Variants in DPP6 observed in about 807,000 individuals in gnomAD.
The protein encoded by DPP6 is A-type potassium channel modulatory protein DPP6.
DPP6 carries 69 observed loss-of-function variants against 122.6 expected under a neutral mutation model. The observed-to-expected ratio is 0.56, with a 90% CI of 0.46 to 0.69. The LOEUF (loss-of-function observed/expected upper bound fraction) is 0.69, where lower values mean the gene tolerates loss of function less well. DPP6 is among the 30% of genes least tolerant of loss of function. DPP6 has a pLI of 0.00. For missense variants in DPP6, 928 were observed against 1,116.9 expected (o/e 0.83, Z 2.41); for synonymous variants, 418 against 433.1 (o/e 0.97, Z 0.43).
At chr7:153,881,559 T>C in the DPP6 span, among the ~76,000 whole-genome samples, 24 of 152,330 alleles carry the variant, frequency 1.6e-4, no homozygotes, top group South Asian at 6.2e-4. Context: ...CCTGTCCCTG[T>C]CTCCCTGCTT....
intron 1 of DPP6, among the ~76,000 whole-genome samples, chr7:154,279,603 A>T (rs1283816538): frequency 1.3e-5 from 2 of 152,152 alleles, no homozygotes; most frequent in African/African-American, 4.8e-5. Context: ...GGTACTGATG[A>T]TCATTACGTT....
intron 5 of DPP6, among the ~76,000 whole-genome samples, chr7:154,610,365 G>A (rs1833831317): frequency 6.6e-6 from 1 of 152,172 alleles, no homozygotes; most frequent in African/African-American, 2.4e-5. Context: ...GGCATTTCAG[G>A]TGGGAGAAGG....
chr7:154,335,281 C>T (rs563799789), intron 1 of DPP6, among the ~76,000 whole-genome samples: 7 of 152,190 alleles, frequency 4.6e-5, no homozygotes, highest in Non-Finnish European at 1.0e-4. Flanking sequence ...ACATCTCTTA[C>T]ACATCAAGTA....
chr7:154,885,166 G>A lies in DPP6; in HGVS notation c.2134-467G>A, dbSNP rs551922620. ...TTACCTGAATACAGAACACCTGGGA[G>A]CGTCTGTCTCGTGTCGGCCTTGTGC... On this transcript the variant is annotated intron_variant, in intron 21 of 25. Transcript: ENST00000377770. 1.3e-4 allele frequency: 21 copies of A among 158,084 alleles called. No homozygotes were observed. The East Asian group carries it at 3.7e-3, about 28-fold the overall frequency. The allele number at this position is 158,084 out of a possible 1,614,324, so 9.8% of individuals were successfully genotyped here. A position where few individuals can be genotyped will look rare whatever the true frequency, so the allele number is the denominator to read the frequency against.
chr7:154,271,032 G>C (rs961466383), intron 1 of DPP6, among the ~76,000 whole-genome samples: 1 of 152,168 alleles, frequency 6.6e-6, no homozygotes, highest in Non-Finnish European at 1.5e-5. Context: ...ATCAAAGACT[G>C]GGTTGATGTT....
chr7:154,488,318 C>T (rs1482673586), intron 3 of DPP6, among the ~76,000 whole-genome samples: 2 of 151,962 alleles, frequency 1.3e-5, no homozygotes, highest in Non-Finnish European at 2.9e-5. Flanking sequence ...GAAACCCCGT[C>T]TCTACTAAAA....
intron 1 of DPP6, among the ~76,000 whole-genome samples, chr7:153,926,092 A>G (rs1034630338): frequency 3.3e-5 from 5 of 152,132 alleles, no homozygotes; most frequent in African/African-American, 9.7e-5. Flanking sequence ...AGATCTGTTC[A>G]TTCAACAAGA....
the DPP6 span, among the ~76,000 whole-genome samples, chr7:153,831,569 C>A: frequency 6.6e-6 from 1 of 152,160 alleles, no homozygotes; most frequent in Non-Finnish European, 1.5e-5. Context: ...ACAATGACCC[C>A]CTTTTATTTG....
intron 1 of DPP6, among the ~76,000 whole-genome samples, chr7:154,400,438 G>A (rs564482498): frequency 1.3e-5 from 2 of 152,286 alleles, no homozygotes; most frequent in South Asian, 2.1e-4. Context: ...ATCTTTTTAG[G>A]TGATCTCTGA....
In DPP6 at chr7:153,992,641, A is replaced by G. The variant is rs559717450; in HGVS notation, c.51+104907A>G. On this transcript the variant is annotated intron_variant, in intron 1 of 25. Transcript: ENST00000404039. Reference sequence around the variant, plus strand: ...GGAGAGCCCAGGCCTAATCATGTCAATTCCAGGCTATCAGATGTTCATTGT... The same window carrying G: ...GGAGAGCCCAGGCCTAATCATGTCAGTTCCAGGCTATCAGATGTTCATTGT... Among the ~76,000 whole-genome samples, 145 of 152,326 alleles carry G rather than the reference A, an allele frequency of 9.5e-4. 1 individual carries two copies. The highest frequency in any genetic ancestry group is 3.2e-3 in the African/African-American group (133 of 41,578).
At chr7:154,873,319 C>T (rs945712321) in intron 19 of DPP6, among the ~76,000 whole-genome samples, 1 of 152,180 alleles carries the variant, frequency 6.6e-6, no homozygotes, top group African/African-American at 2.4e-5. Flanking sequence ...GTGATGTCCA[C>T]GCGCTGACAC....
At chr7:154,874,525 T>TA (rs1804684994) in intron 19 of DPP6, among the ~76,000 whole-genome samples, 1 of 152,026 alleles carries the variant, frequency 6.6e-6, no homozygotes, top group South Asian at 2.1e-4. Flanking sequence ...TGCTTCAGAT[T>TA]AAAAAAATCC....
chr7:154,377,127 T>C (rs1813198796), intron 1 of DPP6, among the ~76,000 whole-genome samples: 1 of 152,194 alleles, frequency 6.6e-6, no homozygotes, highest in South Asian at 2.1e-4. Context: ...AACAACTCTC[T>C]AAGGCAGGTA....
intron 1 of DPP6, among the ~76,000 whole-genome samples, chr7:154,104,403 T>C (rs572513869): frequency 5.9e-5 from 9 of 152,366 alleles, no homozygotes; most frequent in African/African-American, 1.7e-4. Flanking sequence ...GGAGGACTAA[T>C]GGGCTCTTCC....
chr7:154,526,099 T>G (rs1243294447), intron 3 of DPP6, among the ~76,000 whole-genome samples: 2 of 152,268 alleles, frequency 1.3e-5, no homozygotes, highest in East Asian at 3.8e-4. Context: ...TGACGATTAC[T>G]GAGGCTCCTG....
chr7:154,076,653 C>G (rs1294341309), intron 1 of DPP6, among the ~76,000 whole-genome samples: 1 of 150,872 alleles, frequency 6.6e-6, no homozygotes, highest in African/African-American at 2.4e-5. Flanking sequence ...AGGTGGATCA[C>G]AGATTGAGAG....
chr7:153,973,032 T>C (rs539352672), intron 1 of DPP6, among the ~76,000 whole-genome samples: 24 of 152,074 alleles, frequency 1.6e-4, no homozygotes, highest in Admixed American at 1.5e-3. Flanking sequence ...CTTGTGTAAA[T>C]AGGCATTGTT....
chr7:154,463,446 A>G (rs541069191), intron 2 of DPP6, among the ~76,000 whole-genome samples: 1 of 151,834 alleles, frequency 6.6e-6, no homozygotes, highest in South Asian at 2.1e-4. Context: ...TGACCTCGTG[A>G]TCCGCCCGTC....
the DPP6 span, among the ~76,000 whole-genome samples, chr7:153,774,285 G>C: frequency 1.3e-5 from 2 of 152,178 alleles, no homozygotes; most frequent in African/African-American, 4.8e-5. Context: ...CCTCATATCA[G>C]AGTTGTCCTT....
Sources: allele counts gnomAD v4.1 joint callset (sites outside exome capture counted in the v4.1 genomes callset), GRCh38; gene constraint gnomAD v4.1.1; transcripts MANE v1.5; gene names NCBI Gene and HGNC (gene_info 2026-07-23, HGNC 2026-07-21).